The following ST3GAL3 variants were observed in gnomAD, a reference collection of about 807,000 sequenced individuals.
ST3GAL3 encodes ST3 beta-galactoside alpha-2,3-sialyltransferase 3, also known as CMP-N-acetylneuraminate-beta-1,4-galactoside alpha-2,3-sialyltransferase.
In ST3GAL3, 21 loss-of-function variants were observed where a neutral mutation model predicts 50.1. That is an observed-to-expected ratio of 0.42 (90% CI 0.30 to 0.60). ST3GAL3 has a LOEUF of 0.60. Ranked by LOEUF, ST3GAL3 falls within the 20% of genes least tolerant of loss-of-function variation. The probability of loss-of-function intolerance (pLI) is 0.19; values close to 1 mark genes in which losing one functional copy is unlikely to be tolerated. For synonymous variants in ST3GAL3, 183 were observed against 190.0 expected (o/e 0.96, Z 0.30); for missense variants, 353 against 489.4 (o/e 0.72, Z 2.63).
At chr1:43,733,266 T>A (rs1676741635) in intron 1 of ST3GAL3, among the ~76,000 whole-genome samples, 1 of 152,176 alleles carries the variant, frequency 6.6e-6, no homozygotes, top group Admixed American at 6.5e-5. Flanking sequence ...CTCTCAGGTC[T>A]GAGCTGCCAT....
intron 2 of ST3GAL3, chr1:43,772,254 G>A: frequency 2.7e-6 from 1 of 367,070 alleles, no homozygotes; most frequent in Non-Finnish European, 4.8e-6. Flanking sequence ...CTCCATGTTG[G>A]TCAGGCTGGT....
chr1:43,851,510 C>T, intron 5 of ST3GAL3: 1 of 1,598,300 alleles, frequency 6.3e-7, no homozygotes, highest in South Asian at 1.1e-5. Flanking sequence ...GGCCCGGGTA[C>T]CCCTCAGAGT....
At chr1:43,770,847 A>ATG (rs1280577581) in intron 2 of ST3GAL3, among the ~76,000 whole-genome samples, 1 of 152,244 alleles carries the variant, frequency 6.6e-6, no homozygotes, top group Non-Finnish European at 1.5e-5. Flanking sequence ...CCAGGATATT[A>ATG]TGTCTGGTGA....
chr1:43,843,355 G>C (rs1009497765), intron 5 of ST3GAL3, among the ~76,000 whole-genome samples: 1 of 151,996 alleles, frequency 6.6e-6, no homozygotes, highest in Non-Finnish European at 1.5e-5. Flanking sequence ...TTCTTTTTTA[G>C]TCTATTAATA....
chr1:43,763,711 C>T (rs1238766197), intron 2 of ST3GAL3, among the ~76,000 whole-genome samples: 1 of 152,180 alleles, frequency 6.6e-6, no homozygotes, highest in South Asian at 2.1e-4. Flanking sequence ...TTCTTCAACT[C>T]ACTTACTAGA....
chr1:43,868,630 C>G (rs181518998), intron 5 of ST3GAL3, among the ~76,000 whole-genome samples: 1 of 152,082 alleles, frequency 6.6e-6, no homozygotes, highest in Non-Finnish European at 1.5e-5. Context: ...GACCCTTACC[C>G]CCTTGAGTCT....
intron 5 of ST3GAL3, among the ~76,000 whole-genome samples, chr1:43,871,308 C>T (rs1183709026): frequency 6.6e-6 from 1 of 152,150 alleles, no homozygotes; most frequent in Non-Finnish European, 1.5e-5. Flanking sequence ...GTAGAGAACT[C>T]AGGAGAAGGA....
rs202136889 is a variant in ST3GAL3 at position 43,899,173 on chromosome 1, G to A, written c.467G>A (p.Arg156His). 5 of 1,613,982 alleles carry A rather than the reference G, an allele frequency of 3.1e-6. No individual in the cohort carries two copies. The highest frequency in any genetic ancestry group is 2.7e-5 in the African/African-American group (2 of 74,914). ...CTCCGCCTCTCTCCCCTCAGCCTCC[G>A]CTGCCGCCGCTGCATCATCGTGGGC... is the stretch of plus-strand genomic sequence containing the variant. Reference protein sequence around the residue: ...YRLTPALDSLRCRRCIIVGNG... With the variant: ...YRLTPALDSLHCRRCIIVGNG... The change falls in exon 8 of 12, where the codon CGC becomes CAC. Residue 156 changes from arginine (R) to histidine (H), a missense_variant. By Grantham distance (29) the Arg-to-His change is conservative. Transcript: ENST00000347631. This position sits in a 1 kb window ranked among gnomAD's most constrained non-coding sequence, Gnocchi z 5.4.
intron 9 of ST3GAL3, among the ~76,000 whole-genome samples, chr1:43,908,797 A>G (rs2080271052): frequency 6.6e-6 from 1 of 151,960 alleles, no homozygotes; most frequent in Non-Finnish European, 1.5e-5. Flanking sequence ...ACGCCTGGCT[A>G]ATTTTTATAT....
At chr1:43,855,359 C>T (rs949409085) in intron 5 of ST3GAL3, among the ~76,000 whole-genome samples, 1 of 152,194 alleles carries the variant, frequency 6.6e-6, no homozygotes, top group African/African-American at 2.4e-5. Flanking sequence ...CCTGTGATCC[C>T]ATCACTTTGG....
intron 2 of ST3GAL3, among the ~76,000 whole-genome samples, chr1:43,756,178 A>G (rs1353761176): frequency 6.6e-6 from 1 of 152,056 alleles, no homozygotes; most frequent in Non-Finnish European, 1.5e-5. Flanking sequence ...TACATATGAC[A>G]TAATAGATAA....
intron 9 of ST3GAL3, among the ~76,000 whole-genome samples, chr1:43,907,156 A>G (rs1034869079): frequency 2.2e-4 from 33 of 152,364 alleles, no homozygotes; most frequent in African/African-American, 7.5e-4. Flanking sequence ...TATGAGTAGC[A>G]GTAAGCAGTA....
At chr1:43,811,868 C>T (rs144610764) in intron 3 of ST3GAL3, among the ~76,000 whole-genome samples, 205 of 152,336 alleles carry the variant, frequency 1.3e-3, no homozygotes, top group African/African-American at 4.8e-3. Context: ...TCCTCTTTCC[C>T]TTCATCTCTA....
intron 1 of ST3GAL3, among the ~76,000 whole-genome samples, chr1:43,730,976 A>G (rs927036082): frequency 1.3e-5 from 2 of 152,206 alleles, no homozygotes; most frequent in African/African-American, 2.4e-5. Flanking sequence ...CTTTTCAGAG[A>G]TAATTATTGT....
chr1:43,740,414 A>C (rs1680367449), intron 2 of ST3GAL3, among the ~76,000 whole-genome samples: 1 of 151,912 alleles, frequency 6.6e-6, no homozygotes, highest in Non-Finnish European at 1.5e-5. Context: ...GGAGTCGGGT[A>C]GTTGCCTCTT....
At chr1:43,729,692 T>A (rs895266008) in intron 1 of ST3GAL3, among the ~76,000 whole-genome samples, 1 of 152,214 alleles carries the variant, frequency 6.6e-6, no homozygotes, top group African/African-American at 2.4e-5. Context: ...TGTTTATGGA[T>A]GCATAGTACC....
chr1:43,732,839 A>G (rs967085914), intron 1 of ST3GAL3, among the ~76,000 whole-genome samples: 6 of 152,220 alleles, frequency 3.9e-5, no homozygotes, highest in Admixed American at 3.3e-4. Flanking sequence ...GGGCTAAGGT[A>G]TATGAATATT....
rs545931827 is a variant in ST3GAL3, at chr1:43,859,032, T to C, written c.302+20721T>C. On this transcript the variant is annotated intron_variant, in intron 5 of 11. Transcript: ENST00000347631. ...TTCAGTGAATCTCTCAGGAGAGAGG[T>C]CTGGGCTGGAAGAAAACAAATTGCA... 3.9e-5 allele frequency among the ~76,000 whole-genome samples: 6 copies of C among 152,142 alleles called. No individual in the cohort carries two copies. The East Asian group carries it at 7.7e-4, about 20-fold the overall frequency.
intron 2 of ST3GAL3, among the ~76,000 whole-genome samples, chr1:43,752,037 G>T (rs12125928): frequency 1.3e-5 from 2 of 151,756 alleles, no homozygotes; most frequent in South Asian, 4.2e-4. Context: ...GGCTGGTCTC[G>T]AACTCCTGAC....
Sources: allele counts gnomAD v4.1 joint callset (sites outside exome capture counted in the v4.1 genomes callset), GRCh38; gene constraint gnomAD v4.1.1; non-coding constraint Gnocchi (gnomAD v3.1); transcripts MANE v1.5; gene names NCBI Gene and HGNC (gene_info 2026-07-23, HGNC 2026-07-21).